AMPH: variants seen among roughly 807,000 people sequenced by gnomAD.
AMPH encodes amphiphysin (Stiff-Mann syndrome with breast cancer 128kD autoantigen).
In AMPH, 49 loss-of-function variants were observed where a neutral mutation model predicts 99.1. That is an observed-to-expected ratio of 0.49 (90% CI 0.39 to 0.63). The LOEUF is 0.63. Ranked by LOEUF, AMPH falls within the 20% of genes least tolerant of loss-of-function variation. The probability of loss-of-function intolerance (pLI) is 0.00; values close to 1 mark genes in which losing one functional copy is unlikely to be tolerated. For synonymous variants in AMPH, 314 were observed against 317.3 expected (o/e 0.99, Z 0.11); for missense variants, 759 against 863.4 (o/e 0.88, Z 1.52).
At chr7:38,597,710 TA>T (rs1156467002) in intron 1 of AMPH, among the ~76,000 whole-genome samples, 5 of 152,124 alleles carry the variant, frequency 3.3e-5, no homozygotes, top group African/African-American at 9.7e-5. Context: ...TAGCCAGTCT[TA>T]AAAAACCCCA....
intron 3 of AMPH, among the ~76,000 whole-genome samples, chr7:38,495,985 G>C (rs1788918099): frequency 6.6e-6 from 1 of 152,156 alleles, no homozygotes; most frequent in African/African-American, 2.4e-5. Context: ...ACTTGGAGAT[G>C]CGCCTCCGGC....
Position 38,417,971 on chromosome 7 carries a change from G to A in AMPH, c.1273-21C>T, listed in dbSNP as rs776280981. ...TCAGCCTTGGAGTGTTTGTTTTGAG[G>A]GTTAGAGGAAAAAGATTCAACAGGT... is the stretch of plus-strand genomic sequence containing the variant. On this transcript the variant is annotated intron_variant, in intron 16 of 20. Coordinates refer to ENST00000356264, the MANE Select transcript of AMPH (RefSeq NM_001635.4). 4.4e-6 allele frequency: 7 copies of A among 1,606,842 alleles called. No individual in the cohort carries two copies. The Admixed American group carries it at 1.0e-4, about 24-fold the overall frequency.
intron 1 of AMPH, among the ~76,000 whole-genome samples, chr7:38,537,381 A>G (rs564467472): frequency 2.9e-4 from 44 of 152,286 alleles, no homozygotes; most frequent in African/African-American, 1.1e-3. Context: ...AATGCTCAAT[A>G]AATAATATCT....
At chr7:38,462,059 C>T (rs1436717090) in intron 10 of AMPH, among the ~76,000 whole-genome samples, 3 of 152,170 alleles carry the variant, frequency 2.0e-5, no homozygotes, top group East Asian at 1.9e-4. Context: ...CAGTGAACCA[C>T]ACTTCCCAGT....
chr7:38,585,126 C>T (rs1183628003), intron 1 of AMPH, among the ~76,000 whole-genome samples: 2 of 152,124 alleles, frequency 1.3e-5, no homozygotes, highest in Non-Finnish European at 2.9e-5. Context: ...TGTTTATTTA[C>T]GGGGTGCCAG....
chr7:38,574,519 G>A (rs1792160804), intron 1 of AMPH, among the ~76,000 whole-genome samples: 2 of 152,172 alleles, frequency 1.3e-5, no homozygotes, highest in South Asian at 4.1e-4. Context: ...AATGAGATTT[G>A]CAATTGCAGC....
At chr7:38,463,176 G>A in intron 9 of AMPH, 63 bp from the exon 10 acceptor site, 6 of 1,610,402 alleles carry the variant, frequency 3.7e-6, no homozygotes, top group Non-Finnish European at 5.1e-6. Flanking sequence ...CTAATCAGGG[G>A]TTTTCCATTT....
intron 3 of AMPH, among the ~76,000 whole-genome samples, chr7:38,496,617 A>T (rs1788943093): frequency 6.6e-6 from 1 of 152,112 alleles, no homozygotes; most frequent in Admixed American, 6.5e-5. Context: ...GCAAGGGGGG[A>T]TGCGTTCTCT....
chr7:38,571,267 T>A (rs11981727), intron 1 of AMPH, among the ~76,000 whole-genome samples: 7 of 43,686 alleles, frequency 1.6e-4, no homozygotes, highest in African/African-American at 2.0e-4. Context: ...AAATATATAT[T>A]TATATATATA....
At chr7:38,601,189 A>G (rs1003480252) in intron 1 of AMPH, among the ~76,000 whole-genome samples, 1 of 152,190 alleles carries the variant, frequency 6.6e-6, no homozygotes, top group Non-Finnish European at 1.5e-5. Flanking sequence ...ATGTCCAGGC[A>G]TCCAAATGTC....
At chr7:38,558,514 C>T (rs925439408) in intron 1 of AMPH, among the ~76,000 whole-genome samples, 1 of 152,122 alleles carries the variant, frequency 6.6e-6, no homozygotes, top group Admixed American at 6.5e-5. Flanking sequence ...ATCTGAGGAA[C>T]AGTTTTAAAC....
At chr7:38,621,799 T>C (rs1349027996) in intron 1 of AMPH, among the ~76,000 whole-genome samples, 2 of 152,192 alleles carry the variant, frequency 1.3e-5, no homozygotes. Context: ...GATTATCACA[T>C]AGCAAATATT....
intron 1 of AMPH, among the ~76,000 whole-genome samples, chr7:38,609,698 T>C (rs1406974235): frequency 6.6e-6 from 1 of 152,182 alleles, no homozygotes; most frequent in African/African-American, 2.4e-5. Flanking sequence ...GGGGCCATAC[T>C]GTATAAGGTG....
chr7:38,452,398 C>T (rs934255712), intron 11 of AMPH, among the ~76,000 whole-genome samples: 8 of 152,092 alleles, frequency 5.3e-5, no homozygotes, highest in Admixed American at 3.3e-4. Context: ...TCTCATTTTT[C>T]CCAGGTATTG....
chr7:38,567,761 A>C (rs1188327779), intron 1 of AMPH, among the ~76,000 whole-genome samples: 1 of 152,158 alleles, frequency 6.6e-6, no homozygotes, highest in African/African-American at 2.4e-5. Context: ...AAATAATTAG[A>C]ATAGTTTTTA....
chr7:38,592,534 C>A (rs541990974), intron 1 of AMPH, among the ~76,000 whole-genome samples: 148 of 152,228 alleles, frequency 9.7e-4, no homozygotes, highest in Non-Finnish European at 2.0e-3. Flanking sequence ...GAGCTCAAAC[C>A]AGCCTGACCA....
chr7:38,590,429 C>T, intron 1 of AMPH, among the ~76,000 whole-genome samples: 1 of 152,196 alleles, frequency 6.6e-6, no homozygotes, highest in East Asian at 1.9e-4. Flanking sequence ...TCAGCTTGAG[C>T]CAGAACAAAC....
chr7:38,520,380 G>T (rs1258622130), intron 2 of AMPH, among the ~76,000 whole-genome samples: 1 of 152,148 alleles, frequency 6.6e-6, no homozygotes, highest in Non-Finnish European at 1.5e-5. Context: ...TTTTTAAAAA[G>T]AGGGCTTTGA....
chr7:38,437,561 CAGG>C (rs1038999461), intron 11 of AMPH, among the ~76,000 whole-genome samples: 1 of 141,854 alleles, frequency 7.0e-6, no homozygotes, highest in Non-Finnish European at 1.5e-5. Context: ...GTGGGCAGAT[CAGG>C]AGGTGAAGAG....
Sources: allele counts gnomAD v4.1 joint callset (sites outside exome capture counted in the v4.1 genomes callset), GRCh38; gene constraint gnomAD v4.1.1; transcripts MANE v1.5; gene names NCBI Gene and HGNC (gene_info 2026-07-23, HGNC 2026-07-21).